The following RAD9A variants were observed in gnomAD, a reference collection of about 807,000 sequenced individuals.
RAD9A encodes the protein RAD9 checkpoint clamp component A.
Under a neutral mutation model 41.2 loss-of-function variants are expected in RAD9A, and 25 were observed. The ratio of observed to expected loss-of-function variants is 0.61; its 90% confidence interval spans 0.44 to 0.85. The LOEUF (loss-of-function observed/expected upper bound fraction) is 0.85. Among genes scored for constraint, RAD9A ranks in the 40% least tolerant of loss-of-function variants. The pLI is 0.00. For missense variants in RAD9A, 514 were observed against 518.3 expected, an observed-to-expected ratio of 0.99 and a Z score of 0.08; for synonymous variants, 252 against 210.6, an observed-to-expected ratio of 1.20 and a Z score of -1.70.
rs1862659215 is a variant in RAD9A, at chr11:67,395,562, T to TACC, written c.450-154_450-153insACC. ...AGGTTTGAGCAACCACTGCAACCAG[T>TACC]CCCCTCCCTGCCACCTTCTCTGGGC... On this transcript the variant is annotated intron_variant, in intron 5 of 10. Coordinates refer to ENST00000307980, the MANE Select transcript of RAD9A (RefSeq NM_004584.3). 7.9e-6 allele frequency: 5 copies of TACC among 633,094 alleles called. 1 individual carries two copies. In the East Asian group the frequency reaches 1.4e-4, roughly 18 times the overall value. 39.2% of individuals were successfully genotyped at this position (633,094 alleles called of 1,614,324 possible). A position where few individuals can be genotyped will look rare whatever the true frequency, so the allele number is the denominator to read the frequency against.
In RAD9A at chr11:67,392,663, C is replaced by G. The variant is rs764692088; in HGVS notation, c.115C>G (p.Arg39Gly). ...LEPLEDGLSL[R>G]TVNSSRSAYA... Reference sequence around the variant, plus strand: ...GCTCTTCGTGGCCCAGCTCTCCCTCCGGACGGTGAACTCCTCCCGCTCTGC... The same window carrying G: ...GCTCTTCGTGGCCCAGCTCTCCCTCGGGACGGTGAACTCCTCCCGCTCTGC... The change falls in exon 3 of 11, where the codon CGG becomes GGG. Residue 39 changes from arginine to glycine, a missense_variant. Transcript: ENST00000307980. The G allele has an allele frequency of 6.2e-7, 1 of 1,613,810 alleles. No individual in the cohort carries two copies. Among genetic ancestry groups the G allele is most frequent in the East Asian group, 2.2e-5 (1 of 44,884 alleles).
chr11:67,392,521 G>A (rs1862555654), intron 2 of RAD9A, 133 bp from the exon 3 acceptor site: 1 of 1,337,146 alleles, frequency 7.5e-7, no homozygotes, highest in Non-Finnish European at 1.0e-6. Context: ...CTTCCATGGG[G>A]AAAGGAGGGT....
chr11:67,392,328 A>G, intron 2 of RAD9A, 97 bp downstream of exon 2: 1 of 1,134,040 alleles, frequency 8.8e-7, no homozygotes, highest in Non-Finnish European at 1.2e-6. Flanking sequence ...GACCGCTGGC[A>G]GATTTGTCGG....
chr11:67,393,826 C>T (rs1416362616), intron 5 of RAD9A, 36 bp downstream of exon 5: 2 of 1,495,972 alleles, frequency 1.3e-6, no homozygotes, highest in Admixed American at 2.2e-5. Flanking sequence ...AGCCCCGGGT[C>T]TCTCTCTTCC....
At position 67,397,174 on chromosome 11, in the gene RAD9A, TACAGC is replaced by T; in HGVS notation, c.873-1_876del. ...CCCTCCCTGATACTCCGATTCTGCC[TACAGC>T]ACACCCCACCCGGACGACTTTGCCA... On this transcript the variant is annotated splice_acceptor_variant and splice_polypyrimidine_tract_variant and coding_sequence_variant and intron_variant, in exon 10 of 11. Coordinates refer to ENST00000307980, the MANE Select transcript of RAD9A (RefSeq NM_004584.3). LOFTEE classifies it high-confidence loss of function. The T allele has an allele frequency of 2.5e-6, 4 of 1,609,214 alleles. No homozygotes were observed. The highest frequency in any genetic ancestry group is 3.4e-6 in the Non-Finnish European group (4 of 1,175,754).
In RAD9A at chr11:67,395,751, C is replaced by T. The variant is rs1862667978; in HGVS notation, c.485C>T (p.Ala162Val). The change falls in exon 6 of 11, where the codon GCA becomes GTA. Residue 162 changes from alanine to valine, a missense_variant. Ala to Val is a moderately conservative substitution (Grantham distance 64). Transcript: ENST00000307980. Reference protein sequence around the residue: ...LGEAVLPFSPALAEVTLGIGR... With the variant: ...LGEAVLPFSPVLAEVTLGIGR... Reference sequence around the variant, plus strand: ...GAGGCTGTTCTGCCCTTCTCTCCTGCACTGGCTGAAGTGACGCTGGGCATT... The same window carrying T: ...GAGGCTGTTCTGCCCTTCTCTCCTGTACTGGCTGAAGTGACGCTGGGCATT... The T allele has an allele frequency of 6.2e-7, 1 of 1,612,756 alleles. No homozygotes were observed. The highest frequency in any genetic ancestry group is 1.1e-5 in the South Asian group (1 of 90,958).
chr11:67,394,254 C>T (rs940680861), intron 5 of RAD9A, among the ~76,000 whole-genome samples: 1 of 152,208 alleles, frequency 6.6e-6, no homozygotes, highest in African/African-American at 2.4e-5. Flanking sequence ...TCCTGACTGC[C>T]CAGGATCGAG....
At position 67,395,792 on chromosome 11, in the gene RAD9A, G is replaced by A. The variant is rs902317143; in HGVS notation, c.526G>A (p.Val176Ile). ...VTLGIGRGRR[V>I]ILRSYHEEEA... ...GCTGGGCATTGGCCGTGGCCGCAGGGTCATCCTGCGCAGCTACCACGAGGA... is the reference window on the plus strand; with the variant it reads ...GCTGGGCATTGGCCGTGGCCGCAGGATCATCCTGCGCAGCTACCACGAGGA... The change falls in exon 6 of 11, where the codon GTC becomes ATC. Residue 176 changes from valine (V) to isoleucine (I), a missense_variant. Around this residue, in one of 3 missense-constraint regions of RAD9A, gnomAD observed 268 missense variants for 279.3 expected, o/e 0.96. Coordinates refer to ENST00000307980, the MANE Select transcript of RAD9A (RefSeq NM_004584.3). 6.2e-7 allele frequency: 1 copy of A among 1,613,758 alleles called. No individual in the cohort carries two copies. The highest frequency in any genetic ancestry group is 8.5e-7 in the Non-Finnish European group (1 of 1,180,016).
At chr11:67,393,462 G>C (rs2066490) in intron 3 of RAD9A, 34 bp from the exon 4 acceptor site, 10 of 1,609,196 alleles carry the variant, frequency 6.2e-6, no homozygotes, top group Admixed American at 5.0e-5. Flanking sequence ...TTGCAGAGAT[G>C]TGATGCTAGG....
chr11:67,397,908 T>G lies in RAD9A; in HGVS notation c.*349T>G. ...GCTCACCTTCCTAAGGAAAATGTCA[T>G]AGTAGGTGCTGCTGGCCCCTGGTGA... is the stretch of plus-strand genomic sequence containing the variant. On this transcript the variant is annotated 3_prime_UTR_variant, in exon 11 of 11. Coordinates refer to ENST00000307980, the MANE Select transcript of RAD9A (RefSeq NM_004584.3). 1 of 269,742 alleles carries G rather than the reference T, an allele frequency of 3.7e-6. No homozygotes were observed. The highest frequency in any genetic ancestry group is 5.6e-5 in the South Asian group (1 of 17,880). The allele number at this position is 269,742 out of a possible 1,614,324, so 16.7% of individuals were successfully genotyped here. A position where few individuals can be genotyped will look rare whatever the true frequency, so the allele number is the denominator to read the frequency against.
In RAD9A at chr11:67,397,816, C is replaced by T. The variant is rs934038184; in HGVS notation, c.*257C>T. The T allele has an allele frequency of 4.1e-6, 2 of 492,166 alleles. No individual in the cohort carries two copies. The highest frequency in any genetic ancestry group is 3.6e-6 in the Non-Finnish European group (1 of 276,826). 30.5% of individuals were successfully genotyped at this position (492,166 alleles called of 1,614,324 possible). A position where few individuals can be genotyped will look rare whatever the true frequency, so the allele number is the denominator to read the frequency against. On this transcript the variant is annotated 3_prime_UTR_variant, in exon 11 of 11. Transcript: ENST00000307980. Reference sequence around the variant, plus strand: ...GGCCCTGAACTACTGACGTTCCTACCTCTTATTTCTCATTGAGCCTCAGGC... The same window carrying T: ...GGCCCTGAACTACTGACGTTCCTACTTCTTATTTCTCATTGAGCCTCAGGC...
At chr11:67,396,548 C>A in intron 9 of RAD9A, 148 bp downstream of exon 9, 1 of 1,032,312 alleles carries the variant, frequency 9.7e-7, no homozygotes, top group Non-Finnish European at 1.4e-6. Flanking sequence ...CCCTATAGTG[C>A]TCACAGCTGC....
Position 67,398,180 on chromosome 11 carries a change from G to A in RAD9A, c.*621G>A. ...GTCTTAGATGTGAGACGGAGGCCAT[G>A]GCGAGAATCCAGCTTTGACCTTTAT... is the stretch of plus-strand genomic sequence containing the variant. On this transcript the variant is annotated 3_prime_UTR_variant, in exon 11 of 11. Transcript: ENST00000307980. 1 of 305,012 alleles carries A rather than the reference G, an allele frequency of 3.3e-6. No homozygotes were observed. The highest frequency in any genetic ancestry group is 4.0e-5 in the South Asian group (1 of 24,784). The allele number at this position is 305,012 out of a possible 1,614,324, so 18.9% of individuals were successfully genotyped here.
chr11:67,392,254 G>GT, intron 2 of RAD9A, 23 bp downstream of exon 2: 2 of 1,500,936 alleles, frequency 1.3e-6, no homozygotes, highest in East Asian at 2.3e-5. Context: ...GGTGTGGGGG[G>GT]CGGGTGGGAC....
chr11:67,397,276 T>C lies in RAD9A; in HGVS notation c.970T>C (p.Ser324Pro). The C allele has an allele frequency of 6.2e-7, 1 of 1,608,948 alleles. No individual in the cohort carries two copies. ...CAATGAGGGCTCGCGGGTGCTGCCC[T>C]CCATTTCCCTTTCACCTGGCCCCCA... ...IGNEGSRVLP[S>P]ISLSPGPQPP... The change falls in exon 10 of 11, where the codon TCC becomes CCC. Residue 324 changes from serine (S) to proline (P), a missense_variant. Ser to Pro is a moderately conservative substitution (Grantham distance 74). This residue lies in a region of RAD9A where 216 missense variants were observed against 184.2 expected (regional missense o/e 1.17). Coordinates refer to ENST00000307980, the MANE Select transcript of RAD9A (RefSeq NM_004584.3).
Position 67,397,455 on chromosome 11 carries a change from T to C in RAD9A, c.1081-9T>C. 1.9e-6 allele frequency: 3 copies of C among 1,607,204 alleles called. No homozygotes were observed. The highest frequency in any genetic ancestry group is 1.3e-5 in the African/African-American group (1 of 74,808). On this transcript the variant is annotated splice_polypyrimidine_tract_variant and intron_variant, in intron 10 of 10. Coordinates refer to ENST00000307980, the MANE Select transcript of RAD9A (RefSeq NM_004584.3). The stretch of plus-strand genomic sequence containing the variant: ...AGCAGCCTCCAGAACTCACTTGTTC[T>C]CTTTCCAGTTCCGCTCACTGTTCTT...
At chr11:67,393,638 G>T (rs201587269) in intron 4 of RAD9A, 28 bp downstream of exon 4, 1 of 1,613,746 alleles carries the variant, frequency 6.2e-7, no homozygotes, top group Admixed American at 1.7e-5. Context: ...CAGCCAAGGG[G>T]TGCCTCAGCA....
Position 67,393,786 on chromosome 11 carries a change from G to A in RAD9A, c.445G>A (p.Ala149Thr), listed in dbSNP as rs909003845. ...ASCPHMLRAPARVLGEAVLPF... is the reference protein window; with the variant it reads ...ASCPHMLRAPTRVLGEAVLPF... The stretch of plus-strand genomic sequence containing the variant: ...GTGCCCCCACATGCTCCGCGCCCCA[G>A]CACGGTGAGCACACCCCTGCCCTCA... The change falls in exon 5 of 11, where the codon GCA becomes ACA. Residue 149 changes from alanine (A) to threonine (T), a missense_variant. By Grantham distance (58) the Ala-to-Thr change is moderately conservative (BLOSUM62 0). This residue lies in a region of RAD9A where 268 missense variants were observed against 279.3 expected (regional missense o/e 0.96). Transcript: ENST00000307980. 6.2e-7 allele frequency: 1 copy of A among 1,602,194 alleles called. No individual in the cohort carries two copies. The highest frequency in any genetic ancestry group is 8.5e-7 in the Non-Finnish European group (1 of 1,174,656).
intron 9 of RAD9A, among the ~76,000 whole-genome samples, chr11:67,396,601 A>T (rs1470346198): frequency 6.6e-6 from 1 of 151,530 alleles, no homozygotes; most frequent in East Asian, 1.9e-4. Context: ...GTACTCAGAG[A>T]CCCCTCCCAC....
Sources: allele counts gnomAD v4.1 joint callset (sites outside exome capture counted in the v4.1 genomes callset), GRCh38; gene constraint gnomAD v4.1.1; regional missense constraint gnomAD v4.1.1; transcripts MANE v1.5; gene names NCBI Gene and HGNC (gene_info 2026-07-23, HGNC 2026-07-21).